TFPI: variants seen among roughly 807,000 people sequenced by gnomAD.
The protein encoded by TFPI is anti-convertin.
In TFPI, 15 loss-of-function variants were observed where a neutral mutation model predicts 34.6. The observed-to-expected ratio is 0.43, with a 90% CI of 0.29 to 0.67. The LOEUF (loss-of-function observed/expected upper bound fraction) is 0.67. Among genes scored for constraint, TFPI ranks in the 30% least tolerant of loss-of-function variants. The pLI is 0.15. For synonymous variants in TFPI, 105 were observed against 120.1 expected (o/e 0.87, Z 0.82); for missense variants, 301 against 364.0 (o/e 0.83, Z 1.41).
At chr2:187,488,147 T>C (rs1693421113) in intron 4 of TFPI, among the ~76,000 whole-genome samples, 190 bp downstream of exon 4, 1 of 151,402 alleles carries the variant, frequency 6.6e-6, no homozygotes, top group Non-Finnish European at 1.5e-5. Flanking sequence ...AATGACATGA[T>C]CAATCTGTCA....
intron 6 of TFPI, among the ~76,000 whole-genome samples, chr2:187,470,519 T>C (rs8176580): frequency 0.29 from 43,695 of 152,074 alleles, 6,460 homozygotes; most frequent in Middle Eastern, 0.35. Context: ...AGGTGAATCC[T>C]AGAACCATTT....
At chr2:187,553,825 A>T (rs1689178848) in intron 1 of TFPI, among the ~76,000 whole-genome samples, 1 of 152,214 alleles carries the variant, frequency 6.6e-6, no homozygotes, top group African/African-American at 2.4e-5. Flanking sequence ...ATATGTTATG[A>T]AATAAAATGG....
chr2:187,474,784 T>C (rs910582974), intron 6 of TFPI, among the ~76,000 whole-genome samples: 6 of 152,152 alleles, frequency 3.9e-5, no homozygotes, highest in African/African-American at 9.6e-5. Flanking sequence ...ATTCTACTTA[T>C]AATAGTTGTA....
intron 6 of TFPI, among the ~76,000 whole-genome samples, chr2:187,469,621 T>C (rs1352396996): frequency 6.6e-6 from 1 of 152,124 alleles, no homozygotes; most frequent in Non-Finnish European, 1.5e-5. Flanking sequence ...GTAGCTAAAA[T>C]CTACTTATAT....
intron 1 of TFPI, chr2:187,526,777 C>T (rs977337055): frequency 2.0e-5 from 3 of 151,940 alleles, no homozygotes; most frequent in African/African-American, 7.3e-5. Flanking sequence ...TCTCTAAGCT[C>T]AATGAGTACT....
chr2:187,533,178 G>A (rs772215430), intron 1 of TFPI, among the ~76,000 whole-genome samples: 34 of 152,166 alleles, frequency 2.2e-4, no homozygotes, highest in Non-Finnish European at 1.2e-4. Context: ...GCTATGGAGC[G>A]AGCAGCGGAT....
intron 1 of TFPI, chr2:187,519,840 C>T (rs1049142790): frequency 6.6e-6 from 1 of 152,202 alleles, no homozygotes; most frequent in African/African-American, 2.4e-5. Context: ...CCAGAGATGC[C>T]CTGCCTAGAG....
intron 3 of TFPI, among the ~76,000 whole-genome samples, chr2:187,495,237 T>G (rs1685395591): frequency 6.6e-6 from 1 of 152,160 alleles, no homozygotes; most frequent in Admixed American, 6.5e-5. Flanking sequence ...CAGGTATATA[T>G]TTCAGGAAAG....
At chr2:187,520,494 C>T (rs998187024) in intron 1 of TFPI, 6 of 152,306 alleles carry the variant, frequency 3.9e-5, no homozygotes, top group Admixed American at 3.9e-4. Context: ...TAACCAGTCC[C>T]GATGAGATGA....
At chr2:187,517,450 C>T (rs1449474244) in intron 1 of TFPI, 6 of 151,942 alleles carry the variant, frequency 3.9e-5, no homozygotes, top group South Asian at 2.1e-4. Context: ...TGTAGTTGTG[C>T]AGTTTTGAGT....
intron 1 of TFPI, among the ~76,000 whole-genome samples, chr2:187,551,312 A>G (rs1689088269): frequency 6.6e-6 from 1 of 152,136 alleles, no homozygotes; most frequent in African/African-American, 2.4e-5. Context: ...TTGTTTTTGA[A>G]GTAATTTTAA....
chr2:187,478,238 T>A (rs1692517012), intron 6 of TFPI, among the ~76,000 whole-genome samples: 1 of 152,106 alleles, frequency 6.6e-6, no homozygotes, highest in Non-Finnish European at 1.5e-5. Context: ...CACATGCCTG[T>A]AATCCCAGCT....
chr2:187,545,481 CAGGAAATTGATT>C (rs1688809816), intron 1 of TFPI, among the ~76,000 whole-genome samples: 1 of 152,138 alleles, frequency 6.6e-6, no homozygotes, highest in East Asian at 1.9e-4. Context: ...AACTGAAGCT[CAGGAAATTGATT>C]TTTTCACCCC....
At position 187,484,894 on chromosome 2, in the gene TFPI, T is replaced by A. The variant is rs1406747934; in HGVS notation, c.452A>T (p.Glu151Val). 6.3e-7 allele frequency: 1 copy of A among 1,595,558 alleles called. No individual in the cohort carries two copies. Among genetic ancestry groups the A allele is most frequent in the Non-Finnish European group, 8.5e-7 (1 of 1,173,142 alleles). ...CAGGCATCCACCATACTTGAAACGT[T>A]CACACTGTTTTGTCTGATTGTTATA... ...YFYNNQTKQC[E>V]RFKYGGCLGN... The change falls in exon 5 of 8, where the codon GAA (glutamate) becomes GTA (valine). Residue 151 changes from glutamate (E) to valine (V), a missense_variant. Physicochemically the swap from Glu to Val is moderately radical, Grantham distance 121 (BLOSUM62 -2). Transcript: ENST00000233156.
intron 1 of TFPI, chr2:187,518,983 T>A (rs1687191365): frequency 6.6e-6 from 1 of 152,244 alleles, no homozygotes; most frequent in Non-Finnish European, 1.5e-5. Flanking sequence ...GCTGTGTTTT[T>A]TAGCTCCATC....
intron 1 of TFPI, chr2:187,517,917 T>A (rs1306821252): frequency 1.3e-5 from 2 of 152,248 alleles, no homozygotes; most frequent in African/African-American, 2.4e-5. Flanking sequence ...GCTCTTTTGA[T>A]CTTTGTTGGT....
At chr2:187,480,312 G>A (rs997956589) in intron 6 of TFPI, among the ~76,000 whole-genome samples, 2 of 151,816 alleles carry the variant, frequency 1.3e-5, no homozygotes, top group African/African-American at 4.8e-5. Flanking sequence ...GAATCACATG[G>A]ATAATAATAA....
Position 187,465,978 on chromosome 2 carries a change from A to G in TFPI, c.*958T>C, listed in dbSNP as rs1165898117. On this transcript the variant is annotated 3_prime_UTR_variant, in exon 8 of 8. Transcript: ENST00000233156. ...ATCCCCAAGAATGACTAGCACATGA[A>G]TTTTCTAGTAGACTCTTCCCTGCTG... 6.6e-6 allele frequency: 1 copy of G among 152,146 alleles called. No individual in the cohort carries two copies. The highest frequency in any genetic ancestry group is 2.4e-5 in the African/African-American group (1 of 41,438). 9.4% of individuals were successfully genotyped at this position (152,146 alleles called of 1,614,324 possible). A position where few individuals can be genotyped will look rare whatever the true frequency, so the allele number is the denominator to read the frequency against.
intron 2 of TFPI, among the ~76,000 whole-genome samples, chr2:187,500,426 C>T (rs1239011891): frequency 6.6e-6 from 1 of 152,136 alleles, no homozygotes; most frequent in Non-Finnish European, 1.5e-5. Context: ...TTCTTAATAA[C>T]TACATGATAT....
Sources: gnomAD v4.1 joint callset for allele counts (sites outside exome capture counted in the v4.1 genomes callset) on GRCh38, gnomAD v4.1.1 for gene constraint, MANE v1.5 for transcripts, NCBI Gene and HGNC (gene_info 2026-07-23, HGNC 2026-07-21) for gene names.